Variants in POU6F2 observed in about 807,000 individuals in gnomAD.
The protein encoded by POU6F2 is POU domain, class 6, transcription factor 2.
Under a neutral mutation model 71.3 loss-of-function variants are expected in POU6F2, and 31 were observed. The observed-to-expected ratio is 0.43, with a 90% CI of 0.33 to 0.59. The LOEUF (loss-of-function observed/expected upper bound fraction) is 0.59. Among genes scored for constraint, POU6F2 ranks in the 20% least tolerant of loss-of-function variants. The probability of loss-of-function intolerance (pLI) is 0.04; values close to 1 mark genes in which losing one functional copy is unlikely to be tolerated. For synonymous variants in POU6F2, 347 were observed against 355.7 expected (o/e 0.98, Z 0.27); for missense variants, 783 against 856.8 (o/e 0.91, Z 1.07).
intron 2 of POU6F2, among the ~76,000 whole-genome samples, chr7:39,143,619 G>T (rs1437133754): frequency 6.6e-6 from 1 of 152,166 alleles, no homozygotes; most frequent in Non-Finnish European, 1.5e-5. Context: ...GGCACTTAAG[G>T]AGTGAGGGAG....
At chr7:39,094,063 A>T (rs1230464001) in intron 2 of POU6F2, among the ~76,000 whole-genome samples, 1 of 152,146 alleles carries the variant, frequency 6.6e-6, no homozygotes, top group Non-Finnish European at 1.5e-5. Context: ...TATTTAAAAA[A>T]TAGTTCCCTG....
At position 39,109,295 on chromosome 7, in the gene POU6F2, C is replaced by T. The variant is rs899142119; in HGVS notation, c.277+23264C>T. ...AAGCAAACTTCCAACCTCAGCCTCC[C>T]GAAGTGCTGGGATTATAGGTGTGAG... On this transcript the variant is annotated intron_variant, in intron 2 of 9. Coordinates refer to ENST00000518318, the MANE Select transcript of POU6F2 (RefSeq NM_001370959.1). Among the ~76,000 whole-genome samples the T allele has an allele frequency of 3.3e-5, 5 of 152,164 alleles. No individual in the cohort carries two copies. In the South Asian group the frequency reaches 6.2e-4, roughly 19 times the overall value.
chr7:39,198,946 C>CTTTA (rs776653330), intron 2 of POU6F2, among the ~76,000 whole-genome samples: 2 of 152,216 alleles, frequency 1.3e-5, no homozygotes, highest in Non-Finnish European at 2.9e-5. Flanking sequence ...AACTGTCCGT[C>CTTTA]TTAGAATAAG....
chr7:39,181,638 T>C (rs1056163657), intron 2 of POU6F2, among the ~76,000 whole-genome samples: 1 of 152,206 alleles, frequency 6.6e-6, no homozygotes, highest in Non-Finnish European at 1.5e-5. Flanking sequence ...TCAACTATCC[T>C]GTTACTTGCT....
At chr7:39,436,363 G>T (rs149179037) in intron 7 of POU6F2, among the ~76,000 whole-genome samples, 1,623 of 152,008 alleles carry the variant, frequency 0.011, 31 homozygotes, top group African/African-American at 0.037. Flanking sequence ...GTATTCCTAG[G>T]TATTTTATTC....
At chr7:39,168,601 T>C (rs914990307) in intron 2 of POU6F2, among the ~76,000 whole-genome samples, 5 of 152,206 alleles carry the variant, frequency 3.3e-5, no homozygotes, top group African/African-American at 1.2e-4. Flanking sequence ...GTAATGGTTG[T>C]GACTGAGTTG....
intron 5 of POU6F2, among the ~76,000 whole-genome samples, chr7:39,354,081 G>C (rs1228827046): frequency 6.6e-6 from 1 of 152,194 alleles, no homozygotes; most frequent in Non-Finnish European, 1.5e-5. Flanking sequence ...GGCTTGCTCT[G>C]ACCTCCCTGC....
chr7:39,105,665 C>T (rs1791665547), intron 2 of POU6F2, among the ~76,000 whole-genome samples: 3 of 152,122 alleles, frequency 2.0e-5, no homozygotes, highest in Non-Finnish European at 4.4e-5. Context: ...TCAGAATTAT[C>T]TGTAGTTATT....
chr7:39,196,559 G>A (rs1156714677), intron 2 of POU6F2, among the ~76,000 whole-genome samples: 2 of 152,136 alleles, frequency 1.3e-5, no homozygotes, highest in Non-Finnish European at 2.9e-5. Context: ...AGGAGTTCCA[G>A]ACCAGCCTGG....
chr7:39,015,648 G>GAT lies in POU6F2; in HGVS notation c.105+37597_105+37598dup, dbSNP rs1198470798. ...TATAGATATATCTATGTTATATATAGATATATATTATATATAGATATATTA... is the reference window on the plus strand; with the variant it reads ...TATAGATATATCTATGTTATATATAGATATATATATTATATATAGATATATTA... On this transcript the variant is annotated intron_variant, in intron 1 of 9. Coordinates refer to ENST00000518318, the MANE Select transcript of POU6F2 (RefSeq NM_001370959.1). Among the ~76,000 whole-genome samples the GAT allele has an allele frequency of 1.0e-3, 75 of 73,780 alleles. 1 individual carries two copies. Among genetic ancestry groups the GAT allele is most frequent in the Non-Finnish European group, 1.7e-3 (66 of 38,566 alleles). 48.4% of individuals were successfully genotyped at this position (73,780 alleles called of 152,430 possible).
intron 2 of POU6F2, among the ~76,000 whole-genome samples, chr7:39,153,011 G>T (rs150828421): frequency 4.9e-4 from 75 of 152,176 alleles, no homozygotes; most frequent in Non-Finnish European, 1.9e-4. Context: ...AGTTATGCTC[G>T]CTTACGCTTA....
At chr7:39,190,355 C>A (rs539884972) in intron 2 of POU6F2, among the ~76,000 whole-genome samples, 2 of 127,512 alleles carry the variant, frequency 1.6e-5, no homozygotes, top group Non-Finnish European at 3.1e-5. Context: ...TGAAAGAGCA[C>A]AAGAACTTGA....
At chr7:39,127,999 C>T (rs556245604) in intron 2 of POU6F2, among the ~76,000 whole-genome samples, 82 of 152,004 alleles carry the variant, frequency 5.4e-4, no homozygotes, top group African/African-American at 1.8e-3. Flanking sequence ...CCCACCACCA[C>T]GCCCGGCTAA....
chr7:39,310,370 A>G (rs995192568), intron 4 of POU6F2, among the ~76,000 whole-genome samples: 3 of 152,196 alleles, frequency 2.0e-5, no homozygotes, highest in Non-Finnish European at 4.4e-5. Flanking sequence ...TTATTGATTT[A>G]TACACAAATA....
chr7:39,021,449 T>C (rs911778680), intron 1 of POU6F2, among the ~76,000 whole-genome samples: 1 of 152,158 alleles, frequency 6.6e-6, no homozygotes. Context: ...ATTTAGTATT[T>C]ATGTACTCCA....
Position 39,165,708 on chromosome 7 carries a change from G to T in POU6F2, c.278-38527G>T, listed in dbSNP as rs1394918220. 2.0e-5 allele frequency among the ~76,000 whole-genome samples: 3 copies of T among 152,140 alleles called. No individual in the cohort carries two copies. The East Asian group carries it at 5.8e-4, about 29-fold the overall frequency. ...ATGCTTAAGATAAAAGAGTAGTCAA[G>T]CTCTTGATGGAGGAAAAAACCTGGC... On this transcript the variant is annotated intron_variant, in intron 2 of 9. Coordinates refer to ENST00000518318, the MANE Select transcript of POU6F2 (RefSeq NM_001370959.1).
chr7:39,297,669 C>T (rs1784876577), intron 4 of POU6F2, among the ~76,000 whole-genome samples: 1 of 151,810 alleles, frequency 6.6e-6, no homozygotes. Context: ...TGAAATGTCC[C>T]TGACAGTATG....
intron 8 of POU6F2, among the ~76,000 whole-genome samples, chr7:39,454,710 A>G (rs1583617867): frequency 4.6e-5 from 4 of 87,804 alleles, no homozygotes; most frequent in South Asian, 8.5e-4. Context: ...ATATATATAT[A>G]TATATATATA....
intron 4 of POU6F2, among the ~76,000 whole-genome samples, chr7:39,338,800 T>G (rs1028162076): frequency 6.6e-6 from 1 of 152,220 alleles, no homozygotes; most frequent in Admixed American, 6.5e-5. Context: ...CAGTGCTACA[T>G]GGGCATGTGA....
Sources: gnomAD v4.1 joint callset for allele counts (sites outside exome capture counted in the v4.1 genomes callset) on GRCh38, gnomAD v4.1.1 for gene constraint, MANE v1.5 for transcripts, NCBI Gene and HGNC (gene_info 2026-07-23, HGNC 2026-07-21) for gene names.